Variants in PRR5L observed in about 807,000 individuals in gnomAD.
PRR5L encodes the protein proline rich 5 like.
PRR5L carries 21 observed loss-of-function variants against 36.4 expected under a neutral mutation model. The ratio of observed to expected loss-of-function variants is 0.58; its 90% CI spans 0.41 to 0.83. The LOEUF (loss-of-function observed/expected upper bound fraction) is 0.83. Among genes scored for constraint, PRR5L ranks in the 40% least tolerant of loss-of-function variants. PRR5L has a pLI of 0.00. For missense variants in PRR5L, 381 were observed against 473.3 expected, an observed-to-expected ratio of 0.80 and a Z score of 1.81; for synonymous variants, 188 against 197.0, an observed-to-expected ratio of 0.95 and a Z score of 0.38.
intron 3 of PRR5L, among the ~76,000 whole-genome samples, chr11:36,415,668 C>T (rs7122235): frequency 0.74 from 112,753 of 152,146 alleles, 44,816 homozygotes; most frequent in Non-Finnish European, 0.88. Flanking sequence ...TGCTTGAGCC[C>T]GGGAGGCAGA....
intron 1 of PRR5L, among the ~76,000 whole-genome samples, chr11:36,354,474 T>C (rs1857006114): frequency 6.6e-6 from 1 of 152,194 alleles, no homozygotes. Flanking sequence ...TTTTGAGGTA[T>C]CATAAAGTTT....
chr11:36,361,326 C>T (rs1294545846), intron 1 of PRR5L, among the ~76,000 whole-genome samples: 2 of 152,030 alleles, frequency 1.3e-5, no homozygotes, highest in African/African-American at 4.8e-5. Flanking sequence ...ACTTTTCTTG[C>T]TATATATACC....
chr11:36,363,332 C>T (rs1477678591), intron 1 of PRR5L, among the ~76,000 whole-genome samples: 5 of 152,182 alleles, frequency 3.3e-5, no homozygotes, highest in Non-Finnish European at 7.3e-5. Context: ...GGAGTGCTTT[C>T]GAAGTGTGAG....
intron 6 of PRR5L, among the ~76,000 whole-genome samples, 190 bp from the exon 7 acceptor site, chr11:36,446,110 G>A (rs986020056): frequency 6.6e-6 from 1 of 152,176 alleles, no homozygotes; most frequent in Non-Finnish European, 1.5e-5. Flanking sequence ...GTTGAGTCAT[G>A]CCTTATCTTA....
chr11:36,417,590 C>A (rs1318754689), intron 3 of PRR5L, among the ~76,000 whole-genome samples: 4 of 152,236 alleles, frequency 2.6e-5, no homozygotes, highest in African/African-American at 9.6e-5. Context: ...GCATCCACAA[C>A]AGACAAATAT....
chr11:36,462,891 T>C lies in PRR5L; in HGVS notation c.*155T>C. ...GTCAAAATGACCTAAGGGGAAACCG[T>C]TGTTGTAAACCTCTTTATTTTGGTG... On this transcript the variant is annotated 3_prime_UTR_variant, in exon 9 of 9. Transcript: ENST00000530639. The C allele has an allele frequency of 4.4e-6, 3 of 674,808 alleles. No homozygotes were observed. The highest frequency in any genetic ancestry group is 3.1e-5 in the East Asian group (1 of 31,806). The allele number at this position is 674,808 out of a possible 1,614,324, so 41.8% of individuals were successfully genotyped here.
chr11:36,457,931 A>G (rs1859099122), intron 8 of PRR5L, among the ~76,000 whole-genome samples: 1 of 152,214 alleles, frequency 6.6e-6, no homozygotes, highest in Non-Finnish European at 1.5e-5. Context: ...CAGTTTTTCA[A>G]TGGGATCCTT....
In PRR5L at chr11:36,462,589, CA is replaced by C; in HGVS notation, c.962del (p.Lys321SerfsTer42). 6.2e-7 allele frequency: 1 copy of C among 1,613,012 alleles called. No individual in the cohort carries two copies. Among genetic ancestry groups the C allele is most frequent in the Non-Finnish European group, 8.5e-7 (1 of 1,179,916 alleles). On this transcript the variant is annotated frameshift_variant, in exon 9 of 9. Coordinates refer to ENST00000530639, the MANE Select transcript of PRR5L (RefSeq NM_001160167.2). LOFTEE classifies it high-confidence loss of function. ...GLGEEASSEN[K>X]CLLLPPSFPP... is the part of the protein sequence containing the mutation. ...TGGGGGAGGAGGCCAGCAGTGAGAA[CA>C]AGTGCCTGCTCCTGCCACCCAGCTT... is the stretch of plus-strand genomic sequence containing the variant.
intron 8 of PRR5L, among the ~76,000 whole-genome samples, chr11:36,456,335 T>C (rs1423504282): frequency 2.0e-5 from 3 of 152,222 alleles, no homozygotes; most frequent in Non-Finnish European, 4.4e-5. Flanking sequence ...TGTATTGCCA[T>C]GTCCTATTTC....
At chr11:36,425,965 T>TGCCA (rs1858373818) in intron 4 of PRR5L, 1 of 152,244 alleles carries the variant, frequency 6.6e-6, no homozygotes, top group African/African-American at 2.4e-5. Flanking sequence ...GCAACACAGC[T>TGCCA]GCCACCCCTC....
chr11:36,408,689 C>T (rs1478358183), intron 3 of PRR5L, among the ~76,000 whole-genome samples: 2 of 152,106 alleles, frequency 1.3e-5, no homozygotes, highest in Admixed American at 1.3e-4. Context: ...GTTTCATGAG[C>T]CCTTCCAAGA....
intron 1 of PRR5L, among the ~76,000 whole-genome samples, chr11:36,363,365 C>G (rs1857112424): frequency 6.6e-6 from 1 of 152,248 alleles, no homozygotes; most frequent in African/African-American, 2.4e-5. Context: ...TCCTTGACCT[C>G]TGGGAGCTCA....
chr11:36,436,716 T>C (rs556066044), intron 5 of PRR5L, among the ~76,000 whole-genome samples: 358 of 152,330 alleles, frequency 2.4e-3, no homozygotes, highest in Middle Eastern at 3.4e-3. Flanking sequence ...CTGGATAAGA[T>C]TGGCCAAGAG....
rs532452851 is a variant in PRR5L, at chr11:36,431,650, C to T, written c.295-203C>T. The stretch of plus-strand genomic sequence containing the variant: ...GGTTGGGTTTGCCTCTTATCTCACT[C>T]GTTCTTTTGCTATGGGAAGTCTCAC... On this transcript the variant is annotated intron_variant, in intron 4 of 8. Transcript: ENST00000530639. Among the ~76,000 whole-genome samples, 32 of 152,150 alleles carry T rather than the reference C, an allele frequency of 2.1e-4. 1 individual carries two copies. In the South Asian group the frequency reaches 6.7e-3, roughly 32 times the overall value.
At chr11:36,309,753 A>T (rs1056174937) in intron 1 of PRR5L, among the ~76,000 whole-genome samples, 1 of 137,832 alleles carries the variant, frequency 7.3e-6, no homozygotes, top group African/African-American at 2.7e-5. Flanking sequence ...GAAAGCCACA[A>T]TTAAAGATTT....
chr11:36,374,707 C>G (rs1160156284), intron 1 of PRR5L, among the ~76,000 whole-genome samples: 2 of 152,150 alleles, frequency 1.3e-5, no homozygotes, highest in African/African-American at 2.4e-5. Context: ...GGATTCTAAA[C>G]ACTTTTTCTG....
chr11:36,441,240 C>T (rs981490461), intron 6 of PRR5L, among the ~76,000 whole-genome samples: 2 of 152,194 alleles, frequency 1.3e-5, no homozygotes, highest in Non-Finnish European at 2.9e-5. Flanking sequence ...AGGCAAGTTC[C>T]TTGCACCTAC....
intron 5 of PRR5L, among the ~76,000 whole-genome samples, chr11:36,435,644 G>A (rs189955316): frequency 7.9e-5 from 12 of 152,322 alleles, no homozygotes; most frequent in Admixed American, 1.3e-4. Flanking sequence ...GAATACAAAA[G>A]AGAGGATCAA....
In PRR5L at chr11:36,401,023, A is replaced by AT; in HGVS notation, c.-99_-98insT. Reference sequence around the variant, plus strand: ...TGTTGGCTACGTTTGTGGTTTTAAGAAAGCCTGAGGGCCTGAAGGCAGCCC... The same window carrying AT: ...TGTTGGCTACGTTTGTGGTTTTAAGATAAGCCTGAGGGCCTGAAGGCAGCCC... On this transcript the variant is annotated 5_prime_UTR_variant, in exon 2 of 9. An upstream open reading frame in the 5' UTR gains an earlier in-frame stop. Coordinates refer to ENST00000530639, the MANE Select transcript of PRR5L (RefSeq NM_001160167.2). 1 of 1,504,890 alleles carries AT rather than the reference A, an allele frequency of 6.6e-7. No homozygotes were observed. The highest frequency in any genetic ancestry group is 8.9e-7 in the Non-Finnish European group (1 of 1,127,340). 93.2% of individuals were successfully genotyped at this position (1,504,890 alleles called of 1,614,324 possible). A position where few individuals can be genotyped will look rare whatever the true frequency, so the allele number is the denominator to read the frequency against.
Sources: gnomAD v4.1 joint callset for allele counts (sites outside exome capture counted in the v4.1 genomes callset) on GRCh38, gnomAD v4.1.1 for gene constraint, MANE v1.5 for transcripts, NCBI Gene and HGNC (gene_info 2026-07-23, HGNC 2026-07-21) for gene names.